Variants in BDP1 observed in about 807,000 individuals in gnomAD.
BDP1 encodes the protein BDP1 general transcription factor IIIB subunit.
Under a neutral mutation model 266.6 loss-of-function variants are expected in BDP1, and 169 were observed. The observed-to-expected ratio is 0.63, with a 90% CI of 0.56 to 0.72. The LOEUF is 0.72. Ranked by LOEUF, BDP1 falls within the 30% of genes least tolerant of loss-of-function variation. The probability of loss-of-function intolerance (pLI) is 0.00; values close to 1 mark genes in which losing one functional copy is unlikely to be tolerated. For synonymous variants in BDP1, 1,090 were observed against 1,022.4 expected (o/e 1.07, Z -1.26); for missense variants, 3,015 against 3,053.8 (o/e 0.99, Z 0.30).
At chr5:71,464,215 G>T (rs1579980612) in intron 4 of BDP1, 98 bp downstream of exon 4, 1 of 746,524 alleles carries the variant, frequency 1.3e-6, no homozygotes, top group Non-Finnish European at 2.1e-6. Flanking sequence ...TTTGATTGGG[G>T]TTGGGCACAG....
rs372613877 is a variant in BDP1, at chr5:71,477,989, G to A, written c.1015-5853G>A. Among the ~76,000 whole-genome samples the A allele has an allele frequency of 6.2e-4, 95 of 152,244 alleles. No individual in the cohort carries two copies. The Middle Eastern group carries it at 0.017, about 27-fold the overall frequency. On this transcript the variant is annotated intron_variant, in intron 7 of 38. Transcript: ENST00000358731. ...TAAACAGCCGGGTGCGGTGATTCAC[G>A]CCTGTAATCCGAGCACTTTGGGAGG...
At chr5:71,569,421 C>G (rs1044508604), downstream of BDP1, among the ~76,000 whole-genome samples, 27 of 150,776 alleles carry the variant, frequency 1.8e-4, no homozygotes, top group Non-Finnish European at 3.4e-4. Context: ...CAGCCTGGGT[C>G]ACAGAGTGAG....
chr5:71,494,340 T>A (rs1219513706), intron 11 of BDP1: 1 of 152,246 alleles, frequency 6.6e-6, no homozygotes, highest in Non-Finnish European at 1.5e-5. Flanking sequence ...GAAATTTATT[T>A]TGTGACAGAG....
intron 25 of BDP1, among the ~76,000 whole-genome samples, chr5:71,524,917 C>T (rs1381453164): frequency 3.3e-5 from 5 of 151,368 alleles, no homozygotes; most frequent in Non-Finnish European, 5.9e-5. Flanking sequence ...CCTGAGTGGA[C>T]ACAGCACATG....
chr5:71,483,569 A>G (rs1561692402), intron 7 of BDP1, among the ~76,000 whole-genome samples: 5 of 152,148 alleles, frequency 3.3e-5, no homozygotes. Context: ...ATCTGCTTTC[A>G]TGTTTGTTGA....
chr5:71,488,244 G>C (rs530988207), intron 9 of BDP1, among the ~76,000 whole-genome samples: 39 of 151,974 alleles, frequency 2.6e-4, no homozygotes, highest in African/African-American at 9.4e-4. Flanking sequence ...TTTCACCTCA[G>C]CCTCCTGAGT....
At chr5:71,490,933 A>G (rs1409154210) in intron 10 of BDP1, 51 bp from the exon 11 acceptor site, 14 of 1,558,554 alleles carry the variant, frequency 9.0e-6, no homozygotes, top group Non-Finnish European at 1.1e-5. Context: ...TGCTCTAAAA[A>G]AGATGTTTTT....
chr5:71,495,511 T>C, intron 12 of BDP1, 103 bp downstream of exon 12: 1 of 653,800 alleles, frequency 1.5e-6, no homozygotes, highest in Non-Finnish European at 2.4e-6. Flanking sequence ...TATTAATACA[T>C]ACTTTATTAA....
Position 71,513,304 on chromosome 5 carries a change from A to G in BDP1, c.4367A>G (p.Glu1456Gly). 1.2e-6 allele frequency: 2 copies of G among 1,610,978 alleles called. No homozygotes were observed. Among genetic ancestry groups the G allele is most frequent in the Non-Finnish European group, 1.7e-6 (2 of 1,177,942 alleles). Residue 1456 changes from glutamate (E) to glycine (G), a missense_variant, in exon 19 of 39, where the codon GAA becomes GGA. Transcript: ENST00000358731. The stretch of plus-strand genomic sequence containing the variant: ...GCAGCTTTGAAGAGAGAGACTACAG[A>G]ATCAGAAAAATATATATATGAGAAG... ...ARAALKRETT[E>G]SEKYIYEKKS...
At chr5:71,483,098 C>G (rs969267231) in intron 7 of BDP1, among the ~76,000 whole-genome samples, 1 of 152,192 alleles carries the variant, frequency 6.6e-6, no homozygotes. Context: ...GATATTCTCT[C>G]TCTCTTTTTT....
chr5:71,459,152 A>G (rs996077094), intron 2 of BDP1, among the ~76,000 whole-genome samples: 3 of 152,252 alleles, frequency 2.0e-5, no homozygotes, highest in African/African-American at 7.2e-5. Context: ...TATTTATAAA[A>G]TAAACCTTCA....
rs761853672 is a variant in BDP1, at chr5:71,458,871, C to T, written c.489+16C>T. 1 of 1,595,162 alleles carries T rather than the reference C, an allele frequency of 6.3e-7. No individual in the cohort carries two copies. On this transcript the variant is annotated intron_variant, in intron 2 of 38. Coordinates refer to ENST00000358731, the MANE Select transcript of BDP1 (RefSeq NM_018429.3). The stretch of plus-strand genomic sequence containing the variant: ...AAAAGAGAAGGTAAGGGAGGAGAAT[C>T]AGGATTTTGATGTTGCCTTCTATTT...
At chr5:71,545,285 A>G (rs1561775128) in intron 32 of BDP1, 66 bp downstream of exon 32, 4 of 1,348,392 alleles carry the variant, frequency 3.0e-6, no homozygotes, top group Middle Eastern at 1.8e-4. Context: ...AAAAAAAGGT[A>G]TAATTTACAT....
Position 71,510,291 on chromosome 5 carries a change from A to C in BDP1, c.3199A>C (p.Thr1067Pro), listed in dbSNP as rs1011653902. ...LGEMETDLKA[T>P]GRDSFPRGKT... Reference sequence around the variant, plus strand: ...TGAAATGGAGACGGATTTGAAAGCAACTGGAAGAGACAGTTTCCCAAGGGG... The same window carrying C: ...TGAAATGGAGACGGATTTGAAAGCACCTGGAAGAGACAGTTTCCCAAGGGG... Residue 1067 changes from threonine to proline, a missense_variant, in exon 17 of 39, where the codon ACT (threonine) becomes CCT (proline). By Grantham distance (38) the Thr-to-Pro change is conservative (BLOSUM62 -1). This residue lies in a region of BDP1 where 2,383 missense variants were observed against 2,404.9 expected (regional missense o/e 0.99). Coordinates refer to ENST00000358731, the MANE Select transcript of BDP1 (RefSeq NM_018429.3). The C allele has an allele frequency of 1.9e-6, 3 of 1,613,752 alleles. No individual in the cohort carries two copies. Among genetic ancestry groups the C allele is most frequent in the African/African-American group, 1.3e-5 (1 of 74,856 alleles).
rs759077600 is a variant in BDP1 at position 71,455,906 on chromosome 5, A to G, written c.29A>G (p.Lys10Arg). 3.4e-5 allele frequency: 54 copies of G among 1,604,516 alleles called. No homozygotes were observed. Among genetic ancestry groups the G allele is most frequent in the African/African-American group, 1.6e-4 (12 of 74,798 alleles). The change falls in exon 1 of 39, where the codon AAG becomes AGG. Residue 10 changes from lysine (K) to arginine (R), a missense_variant. By Grantham distance (26) the Lys-to-Arg change is conservative (BLOSUM62 2). This residue lies in a region of BDP1 where 2,383 missense variants were observed against 2,404.9 expected (regional missense o/e 0.99). Coordinates refer to ENST00000358731, the MANE Select transcript of BDP1 (RefSeq NM_018429.3). Reference protein sequence around the residue: MFRRARLSVKPNVRPGVGAR... With the variant: MFRRARLSVRPNVRPGVGAR... ...TTCCGCAGGGCACGCCTTAGCGTGA[A>G]GCCGAATGTCAGGCCTGGTGTAGGC...
intron 7 of BDP1, among the ~76,000 whole-genome samples, chr5:71,477,060 C>T (rs552001321): frequency 1.1e-4 from 17 of 151,258 alleles, no homozygotes; most frequent in South Asian, 2.1e-4. Context: ...TGGCCAGGCT[C>T]GTCTCAAACT....
chr5:71,469,809 G>A (rs1237093313), intron 6 of BDP1, among the ~76,000 whole-genome samples: 1 of 143,532 alleles, frequency 7.0e-6, no homozygotes, highest in Non-Finnish European at 1.5e-5. Context: ...CAGAGACAGG[G>A]TTTCACCATG....
At chr5:71,520,273 T>G (rs1765430622) in intron 22 of BDP1, among the ~76,000 whole-genome samples, 1 of 152,360 alleles carries the variant, frequency 6.6e-6, no homozygotes, top group South Asian at 2.1e-4. Context: ...ACTTTGTTGA[T>G]TGTTCCCTGT....
chr5:71,480,433 C>A (rs1308783014), intron 7 of BDP1, among the ~76,000 whole-genome samples: 1 of 151,716 alleles, frequency 6.6e-6, no homozygotes, highest in Non-Finnish European at 1.5e-5. Flanking sequence ...CGTGCCCAGC[C>A]TAATTTTTAT....
Sources: gnomAD v4.1 joint callset for allele counts (sites outside exome capture counted in the v4.1 genomes callset) on GRCh38, gnomAD v4.1.1 for gene constraint, gnomAD v4.1.1 regional missense constraint, MANE v1.5 for transcripts, NCBI Gene and HGNC (gene_info 2026-07-23, HGNC 2026-07-21) for gene names.